MATR3: variants seen among roughly 807,000 people sequenced by gnomAD.
The protein encoded by MATR3 is matrin 3.
A neutral mutation model predicts 85.5 loss-of-function variants in MATR3; 4 were observed. That is an observed-to-expected ratio of 0.05 (90% CI 0.02 to 0.11). MATR3 has a LOEUF of 0.11. Ranked by LOEUF, MATR3 falls within the 10% of genes least tolerant of loss-of-function variation. The probability of loss-of-function intolerance (pLI) is 1.00; values close to 1 mark genes in which losing one functional copy is unlikely to be tolerated. For missense variants in MATR3, 685 were observed against 1,016.1 expected (o/e 0.67, Z 4.43); for synonymous variants, 336 against 343.1 (o/e 0.98, Z 0.23).
rs73255232 is a variant in MATR3 at position 139,314,772 on chromosome 5, G to A, written c.974+36G>A. 5,581 of 1,587,490 alleles carry A rather than the reference G, an allele frequency of 3.5e-3. 175 individuals are homozygous for A. In the African/African-American group the frequency reaches 0.065, roughly 18 times the overall value. On this transcript the variant is annotated intron_variant, in intron 3 of 14. Coordinates refer to ENST00000394805, the MANE Select transcript of MATR3 (RefSeq NM_018834.6). The stretch of plus-strand genomic sequence containing the variant: ...GAAATACCTTTAAAACATCCTTATC[G>A]TGAATCAGAATCAGCCATTATTGGT...
chr5:139,331,636 A>T lies in MATR3; in HGVS notation c.*2241A>T, dbSNP rs886060006. On this transcript the variant is annotated 3_prime_UTR_variant, in exon 15 of 15. Coordinates refer to ENST00000394805, the MANE Select transcript of MATR3 (RefSeq NM_018834.6). ...ATGTCAGCCCTTAGTTTAATCTTACATTATCCTACAAAAGTGAATGAAACT... is the reference window on the plus strand; with the variant it reads ...ATGTCAGCCCTTAGTTTAATCTTACTTTATCCTACAAAAGTGAATGAAACT... 2 of 452,636 alleles carry T rather than the reference A, an allele frequency of 4.4e-6. No homozygotes were observed. The highest frequency in any genetic ancestry group is 8.8e-6 in the Non-Finnish European group (2 of 226,362). 28.0% of individuals were successfully genotyped at this position (452,636 alleles called of 1,614,324 possible).
At chr5:139,325,413 AATG>A (rs1755801484) in intron 12 of MATR3, 24 bp from the exon 13 acceptor site, 4 of 1,557,574 alleles carry the variant, frequency 2.6e-6, no homozygotes, top group African/African-American at 2.7e-5. Flanking sequence ...TGGTGACAAA[AATG>A]ATGATGGTTT....
At chr5:139,323,496 TACAC>T (rs1180026359) in intron 12 of MATR3, among the ~76,000 whole-genome samples, 3 of 152,194 alleles carry the variant, frequency 2.0e-5, no homozygotes, top group South Asian at 2.1e-4. Flanking sequence ...AATATAAAAA[TACAC>T]ACATGCTATA....
intron 2 of MATR3, among the ~76,000 whole-genome samples, 160 bp downstream of exon 2, chr5:139,308,487 C>T (rs1754818690): frequency 6.6e-6 from 1 of 152,170 alleles, no homozygotes; most frequent in South Asian, 2.1e-4. Flanking sequence ...TGTTTTTGAG[C>T]ATTTTAAACC....
chr5:139,274,103 CT>C, exon 1 of MATR3: 2 of 450,854 alleles, frequency 4.4e-6, no homozygotes, highest in Non-Finnish European at 8.9e-6. Flanking sequence ...CCCGGCTGCC[CT>C]TTCCCCTCCG....
chr5:139,294,117 A>C (rs1021972089), intron 1 of MATR3: 1 of 1,181,044 alleles, frequency 8.5e-7, no homozygotes, highest in Admixed American at 4.1e-5. Context: ...TGACCGGCCG[A>C]GCTTCCTGCG....
upstream of MATR3, among the ~76,000 whole-genome samples, chr5:139,290,829 T>C (rs1181404537): frequency 6.6e-6 from 1 of 152,176 alleles, no homozygotes; most frequent in African/African-American, 2.4e-5. Flanking sequence ...AATCTTTCCC[T>C]GGGCTCAAGA....
Position 139,305,886 on chromosome 5 carries a change from C to T in MATR3, c.-177-1353C>T, listed in dbSNP as rs535376037. On this transcript the variant is annotated intron_variant, in intron 1 of 14. Coordinates refer to ENST00000394805, the MANE Select transcript of MATR3 (RefSeq NM_018834.6). ...TTGCCTGCAACTTTTTTTATACTTC[C>T]TTTGCCACTGTATTTGTCCATTGTA... Among the ~76,000 whole-genome samples the T allele has an allele frequency of 4.6e-5, 7 of 152,200 alleles. No homozygotes were observed. The East Asian group carries it at 1.3e-3, about 29-fold the overall frequency.
At chr5:139,311,612 T>C (rs1348362954) in intron 2 of MATR3, 1 of 151,998 alleles carries the variant, frequency 6.6e-6, no homozygotes, top group African/African-American at 2.4e-5. Flanking sequence ...GTACCCTTTC[T>C]AGCTCCTATG....
At chr5:139,285,835 A>G (rs1171463624) in intron 3 of MATR3, among the ~76,000 whole-genome samples, 2 of 152,214 alleles carry the variant, frequency 1.3e-5, no homozygotes, top group Non-Finnish European at 2.9e-5. Context: ...AAAAGAATCA[A>G]TGAACTTGAG....
At position 139,330,663 on chromosome 5, in the gene MATR3, C is replaced by T. The variant is rs985383163; in HGVS notation, c.*1268C>T. 30 of 453,958 alleles carry T rather than the reference C, an allele frequency of 6.6e-5. No individual in the cohort carries two copies. The highest frequency in any genetic ancestry group is 1.0e-4 in the African/African-American group (5 of 50,000). The allele number at this position is 453,958 out of a possible 1,614,324, so 28.1% of individuals were successfully genotyped here. On this transcript the variant is annotated 3_prime_UTR_variant, in exon 15 of 15. Coordinates refer to ENST00000394805, the MANE Select transcript of MATR3 (RefSeq NM_018834.6). Reference sequence around the variant, plus strand: ...ATTAAAAATGCTACAGGTGAACAAACAGAAGCTTATGTTTAGAGATATTGA... The same window carrying T: ...ATTAAAAATGCTACAGGTGAACAAATAGAAGCTTATGTTTAGAGATATTGA...
chr5:139,319,410 C>T lies in MATR3; in HGVS notation c.1511C>T (p.Pro504Leu). The T allele has an allele frequency of 6.2e-7, 1 of 1,613,948 alleles. No homozygotes were observed. Among genetic ancestry groups the T allele is most frequent in the Non-Finnish European group, 8.5e-7 (1 of 1,179,938 alleles). Reference protein sequence around the residue: ...LGRVIHLSNLPHSGYSDSAVL... With the variant: ...LGRVIHLSNLLHSGYSDSAVL... ...CGTGTGATACATCTCAGCAATTTGC[C>T]GCATTCTGGCTATTCTGATAGTGCT... The change falls in exon 9 of 15, where the codon CCG (proline) becomes CTG (leucine). Residue 504 changes from proline (P) to leucine (L), a missense_variant. By Grantham distance (98) the Pro-to-Leu change is moderately conservative (BLOSUM62 -3). This residue lies in a region of MATR3 where 50 missense variants were observed against 133.4 expected (regional missense o/e 0.37). Coordinates refer to ENST00000394805, the MANE Select transcript of MATR3 (RefSeq NM_018834.6).
intron 12 of MATR3, 148 bp downstream of exon 12, chr5:139,323,115 A>C: frequency 1.2e-6 from 1 of 833,898 alleles, no homozygotes; most frequent in South Asian, 2.0e-5. Flanking sequence ...ATTTAAATCT[A>C]AACTCTGCAA....
chr5:139,318,872 G>A (rs1014472780), intron 7 of MATR3, 36 bp from the exon 8 acceptor site: 9 of 1,611,868 alleles, frequency 5.6e-6, no homozygotes, highest in Non-Finnish European at 7.6e-6. Flanking sequence ...AAGCTGATTG[G>A]AAAAAACAGA....
At chr5:139,301,282 G>A (rs903462610) in intron 1 of MATR3, among the ~76,000 whole-genome samples, 5 of 152,124 alleles carry the variant, frequency 3.3e-5, no homozygotes, top group Non-Finnish European at 7.4e-5. Context: ...AATGTTTATG[G>A]AAGTCAAGAG....
chr5:139,289,344 C>T (rs1293611361), upstream of MATR3, among the ~76,000 whole-genome samples: 2 of 152,182 alleles, frequency 1.3e-5, no homozygotes, highest in Non-Finnish European at 2.9e-5. Flanking sequence ...GCTTATAGCC[C>T]AGGAATTAGA....
rs78697329 is a variant in MATR3 at position 139,279,242 on chromosome 5, G to T, written c.-178+113G>T. On this transcript the variant is annotated intron_variant, in intron 3 of 16. Coordinates refer to ENST00000509990, the Ensembl canonical transcript of MATR3. ...TATGTAGAGTATCAGACTTTTTTTT[G>T]GGGGGGGACGGAGTCTTGCTCAGTT... 5.1e-3 allele frequency: 2,212 copies of T among 437,620 alleles called. 46 individuals are homozygous for T. Among genetic ancestry groups the T allele is most frequent in the African/African-American group, 0.041 (2,013 of 49,176 alleles). The allele number at this position is 437,620 out of a possible 1,614,324, so 27.1% of individuals were successfully genotyped here. A position where few individuals can be genotyped will look rare whatever the true frequency, so the allele number is the denominator to read the frequency against.
chr5:139,325,155 T>C (rs1755782249), intron 12 of MATR3: 1 of 1,192,452 alleles, frequency 8.4e-7, no homozygotes, highest in Non-Finnish European at 1.1e-6. Context: ...ATCGCGCCAC[T>C]GCACCCCAGC....
At chr5:139,297,028 C>T (rs1053611873) in intron 1 of MATR3, among the ~76,000 whole-genome samples, 3 of 152,106 alleles carry the variant, frequency 2.0e-5, no homozygotes, top group African/African-American at 7.2e-5. Context: ...AAAAATTAGC[C>T]GGGCGTGGTG....
Sources: allele counts gnomAD v4.1 joint callset (sites outside exome capture counted in the v4.1 genomes callset), GRCh38; gene constraint gnomAD v4.1.1; regional missense constraint gnomAD v4.1.1; transcripts MANE v1.5; gene names NCBI Gene and HGNC (gene_info 2026-07-23, HGNC 2026-07-21).